IQUB: variants seen among roughly 807,000 people sequenced by gnomAD.
IQUB encodes the protein IQ motif and ubiquitin domain containing.
IQUB carries 86 observed loss-of-function variants against 86.4 expected under a neutral mutation model. The ratio of observed to expected loss-of-function variants is 1.00; its 90% confidence interval spans 0.84 to 1.19. The LOEUF is 1.19. IQUB is among the 50% of genes most tolerant of loss of function. The pLI is 0.00. For synonymous variants in IQUB, 289 were observed against 304.5 expected (o/e 0.95, Z 0.53); for missense variants, 946 against 916.9 (o/e 1.03, Z -0.41).
intron 8 of IQUB, among the ~76,000 whole-genome samples, chr7:123,476,767 A>C (rs983007407): frequency 1.3e-5 from 2 of 151,640 alleles, no homozygotes; most frequent in Non-Finnish European, 2.9e-5. Context: ...CCTATTTGAT[A>C]TATGCAGAGT....
chr7:123,452,856 C>A lies in IQUB; in HGVS notation c.2263G>T (p.Val755Phe), dbSNP rs868082306. The A allele has an allele frequency of 1.2e-6, 2 of 1,613,498 alleles. No individual in the cohort carries two copies. Among genetic ancestry groups the A allele is most frequent in the African/African-American group, 1.3e-5 (1 of 74,990 alleles). ...AGTATAAATGAAGCCAGCACTGGAA[C>A]CTGAGAAAAATAGTTCTTAGCCAGG... is the stretch of plus-strand genomic sequence containing the variant. The part of the protein sequence containing the change: ...HILAKNYFSQ[V>F]PVLASFILDD... Residue 755 changes from valine (V) to phenylalanine (F), a missense_variant, in exon 13 of 13, where the codon GTT becomes TTT. Transcript: ENST00000324698.
In IQUB at chr7:123,461,610, A is replaced by G. The variant is rs371632065; in HGVS notation, c.1759-5T>C. ...TTTCAATGGGTCTTGAGGGACCTAA[A>G]TAAATAGTAAAAAAAGAAAAAAAAG... is the stretch of plus-strand genomic sequence containing the variant. On this transcript the variant is annotated splice_region_variant and splice_polypyrimidine_tract_variant and intron_variant, in intron 10 of 12. Coordinates refer to ENST00000324698, the MANE Select transcript of IQUB (RefSeq NM_178827.5). 6.4e-7 allele frequency: 1 copy of G among 1,566,128 alleles called. No homozygotes were observed. The highest frequency in any genetic ancestry group is 8.6e-7 in the Non-Finnish European group (1 of 1,159,066).
At chr7:123,527,660 C>G (rs550696511) in intron 1 of IQUB, among the ~76,000 whole-genome samples, 2 of 152,326 alleles carry the variant, frequency 1.3e-5, no homozygotes, top group South Asian at 2.1e-4. Context: ...CTTGAGGAGG[C>G]AGTCTGCCCG....
intron 1 of IQUB, among the ~76,000 whole-genome samples, chr7:123,521,168 C>T (rs1335183997): frequency 6.6e-6 from 1 of 152,082 alleles, no homozygotes; most frequent in Non-Finnish European, 1.5e-5. Context: ...AAACGGAAGC[C>T]ACATATTATA....
chr7:123,514,747 C>T (rs925517452), intron 1 of IQUB, among the ~76,000 whole-genome samples: 18 of 152,184 alleles, frequency 1.2e-4, no homozygotes, highest in Non-Finnish European at 2.5e-4. Flanking sequence ...TCACACCCTT[C>T]CCATGCTCCC....
intron 6 of IQUB, chr7:123,501,858 TCC>T (rs1795960191): frequency 6.6e-6 from 1 of 152,176 alleles, no homozygotes; most frequent in Non-Finnish European, 1.5e-5. Context: ...CTCCATATAT[TCC>T]TTTATTTGGT....
chr7:123,506,060 G>A lies in IQUB; in HGVS notation c.533-2697C>T, dbSNP rs561212261. Among the ~76,000 whole-genome samples, 4 of 152,274 alleles carry A rather than the reference G, an allele frequency of 2.6e-5. No homozygotes were observed. In the South Asian group the frequency reaches 8.3e-4, roughly 32 times the overall value. On this transcript the variant is annotated intron_variant, in intron 3 of 12. Transcript: ENST00000324698. ...CCACTTTCAAGTTCAAAGTTCCACA[G>A]ATCCCTAGAGCAAGGACACAGTGCT...
intron 7 of IQUB, among the ~76,000 whole-genome samples, chr7:123,493,191 A>G (rs1795550406): frequency 6.6e-6 from 1 of 152,120 alleles, no homozygotes; most frequent in Non-Finnish European, 1.5e-5. Flanking sequence ...CCCCAAACAC[A>G]GGGAACATTT....
chr7:123,469,177 T>C (rs6972588), intron 9 of IQUB, 37 bp downstream of exon 9: 1 of 1,351,890 alleles, frequency 7.4e-7, no homozygotes, highest in Non-Finnish European at 9.8e-7. Context: ...TTATTGACAG[T>C]GAACTCTACC....
intron 7 of IQUB, among the ~76,000 whole-genome samples, chr7:123,484,329 A>C (rs1321850083): frequency 1.3e-5 from 2 of 152,070 alleles, no homozygotes; most frequent in Non-Finnish European, 2.9e-5. Flanking sequence ...TACCAACCAA[A>C]AGAACTTTAA....
chr7:123,496,680 C>A lies in IQUB; in HGVS notation c.1234+16G>T, dbSNP rs1465376740. On this transcript the variant is annotated intron_variant, in intron 7 of 12. Coordinates refer to ENST00000324698, the MANE Select transcript of IQUB (RefSeq NM_178827.5). ...GAATTTAAAAATATTTTTTGCAAAGCCTGTGTCCAACTTACATTCTAATGC... is the reference window on the plus strand; with the variant it reads ...GAATTTAAAAATATTTTTTGCAAAGACTGTGTCCAACTTACATTCTAATGC... 3 of 1,465,178 alleles carry A rather than the reference C, an allele frequency of 2.0e-6. No homozygotes were observed. The highest frequency in any genetic ancestry group is 1.9e-6 in the Non-Finnish European group (2 of 1,074,714). 90.8% of individuals were successfully genotyped at this position (1,465,178 alleles called of 1,614,324 possible). A position where few individuals can be genotyped will look rare whatever the true frequency, so the allele number is the denominator to read the frequency against.
At chr7:123,533,605 TA>T (rs557240451) in intron 1 of IQUB, among the ~76,000 whole-genome samples, 86 of 152,316 alleles carry the variant, frequency 5.6e-4, no homozygotes, top group African/African-American at 1.5e-3. Context: ...CATAAATACA[TA>T]AATTCATCCA....
intron 8 of IQUB, among the ~76,000 whole-genome samples, chr7:123,474,098 G>T (rs1428705117): frequency 6.6e-6 from 1 of 151,864 alleles, no homozygotes; most frequent in Non-Finnish European, 1.5e-5. Context: ...CAGGAAAAAA[G>T]GATTAAAAAT....
chr7:123,492,559 C>T (rs1009458129), intron 7 of IQUB, among the ~76,000 whole-genome samples: 1 of 152,136 alleles, frequency 6.6e-6, no homozygotes, highest in Non-Finnish European at 1.5e-5. Flanking sequence ...AAGAAAGACA[C>T]TGTTAAGAGA....
At chr7:123,464,408 G>GA (rs932966490) in intron 10 of IQUB, among the ~76,000 whole-genome samples, 40 of 151,884 alleles carry the variant, frequency 2.6e-4, no homozygotes, top group Admixed American at 5.9e-4. Flanking sequence ...TGGAATCTCA[G>GA]AAAAAAAGAA....
chr7:123,468,231 T>C (rs1294975566), intron 9 of IQUB, among the ~76,000 whole-genome samples: 2 of 152,162 alleles, frequency 1.3e-5, no homozygotes, highest in African/African-American at 4.8e-5. Context: ...AAGATGCTAG[T>C]TCAGGGAGAA....
chr7:123,529,760 G>T (rs1184082100), intron 1 of IQUB, among the ~76,000 whole-genome samples: 1 of 133,888 alleles, frequency 7.5e-6, no homozygotes, highest in Non-Finnish European at 1.6e-5. Context: ...AACAGGCTAG[G>T]TGCGGTGGCT....
intron 1 of IQUB, among the ~76,000 whole-genome samples, chr7:123,527,480 C>G (rs1436694136): frequency 6.6e-6 from 1 of 152,168 alleles, no homozygotes; most frequent in Non-Finnish European, 1.5e-5. Context: ...TGGTGATGTA[C>G]AGATGGGTTT....
chr7:123,475,556 G>C lies in IQUB; in HGVS notation c.1410+4239C>G, dbSNP rs73720254. 8.7e-3 allele frequency among the ~76,000 whole-genome samples: 1,319 copies of C among 152,136 alleles called. 20 individuals are homozygous for C. The highest frequency in any genetic ancestry group is 0.03 in the African/African-American group (1,256 of 41,512). On this transcript the variant is annotated intron_variant, in intron 8 of 12. Transcript: ENST00000324698. ...AGTTAAATGTTTACAGACAATGCTA[G>C]ACATGGGGACTGGGGTAGGGAATGT...
Sources: allele counts gnomAD v4.1 joint callset (sites outside exome capture counted in the v4.1 genomes callset), GRCh38; gene constraint gnomAD v4.1.1; transcripts MANE v1.5; gene names NCBI Gene and HGNC (gene_info 2026-07-23, HGNC 2026-07-21).